Variants in RGPD3 observed in about 807,000 individuals in gnomAD.
RGPD3 encodes ranBP2-like and GRIP domain-containing protein 3.
In RGPD3, 62 loss-of-function variants were observed where a neutral mutation model predicts 154.5. That is an observed-to-expected ratio of 0.40 (90% CI 0.33 to 0.50). RGPD3 has a LOEUF of 0.50. Among genes scored for constraint, RGPD3 ranks in the 20% least tolerant of loss-of-function variants. RGPD3 has a pLI of 0.59. For synonymous variants in RGPD3, 308 were observed against 607.0 expected, an observed-to-expected ratio of 0.51 and a Z score of 7.24; for missense variants, 919 against 1,716.8, an observed-to-expected ratio of 0.54 and a Z score of 8.21.
In RGPD3 at chr2:106,468,230, G is replaced by C. The variant is rs376587636; in HGVS notation, c.59C>G (p.Pro20Arg). Residue 20 changes from proline to arginine, a missense_variant, in exon 1 of 23, where the codon CCG becomes CGG. Coordinates refer to ENST00000409886, the MANE Select transcript of RGPD3 (RefSeq NM_001144013.2). ...RYVASVQGSAPSPRKKSTRGF... is the reference protein window; with the variant it reads ...RYVASVQGSARSPRKKSTRGF... ...AGACCCACTCACCTTTCGAGGCGACGGGGCGGAGCCCTGCACCGAGGCGAC... is the reference window on the plus strand; with the variant it reads ...AGACCCACTCACCTTTCGAGGCGACCGGGCGGAGCCCTGCACCGAGGCGAC... The C allele has an allele frequency of 1.9e-6, 3 of 1,606,436 alleles. No homozygotes were observed. Among genetic ancestry groups the C allele is most frequent in the East Asian group, 2.2e-5 (1 of 44,556 alleles).
At chr2:106,414,978 A>T (rs1342164344) in intron 21 of RGPD3, among the ~76,000 whole-genome samples, 1 of 152,154 alleles carries the variant, frequency 6.6e-6, no homozygotes, top group Non-Finnish European at 1.5e-5. Context: ...GAGATTAAAT[A>T]ATATACGTAG....
chr2:106,415,558 T>C (rs1215659978), intron 21 of RGPD3, among the ~76,000 whole-genome samples: 3 of 148,570 alleles, frequency 2.0e-5, no homozygotes, highest in East Asian at 2.0e-4. Flanking sequence ...GCACCTGTAG[T>C]CCCAGCTACT....
At chr2:106,410,702 G>A (rs1340930542) in intron 22 of RGPD3, among the ~76,000 whole-genome samples, 1 of 151,838 alleles carries the variant, frequency 6.6e-6, no homozygotes, top group Non-Finnish European at 1.5e-5. Flanking sequence ...TTTTATAGGG[G>A]CAGTTTTACT....
At chr2:106,450,164 G>A (rs1428203399) in intron 6 of RGPD3, among the ~76,000 whole-genome samples, 2 of 135,210 alleles carry the variant, frequency 1.5e-5, no homozygotes, top group Admixed American at 1.5e-4. Flanking sequence ...CAGATCACGA[G>A]GTCAGGAGAT....
Position 106,460,576 on chromosome 2 carries a change from G to A in RGPD3, c.73-1244C>T, listed in dbSNP as rs1395276406. 5.2e-4 allele frequency among the ~76,000 whole-genome samples: 41 copies of A among 78,564 alleles called. No homozygotes were observed. In the South Asian group the frequency reaches 8.5e-3, roughly 16 times the overall value. The allele number at this position is 78,564 out of a possible 152,430, so 51.5% of individuals were successfully genotyped here. ...TGCTGATGCACACCAGGCTGGGTGCGGTGGCTCACACCTGTAATCCCAGCA... is the reference window on the plus strand; with the variant it reads ...TGCTGATGCACACCAGGCTGGGTGCAGTGGCTCACACCTGTAATCCCAGCA... On this transcript the variant is annotated intron_variant, in intron 1 of 22. Coordinates refer to ENST00000409886, the MANE Select transcript of RGPD3 (RefSeq NM_001144013.2).
At position 106,405,293 on chromosome 2, in the gene RGPD3, A is replaced by G. The variant is rs565972098; in HGVS notation, c.5267-64T>C. 182 of 1,487,856 alleles carry G rather than the reference A, an allele frequency of 1.2e-4. No individual in the cohort carries two copies. In the South Asian group the frequency reaches 2.0e-3, roughly 16 times the overall value. 92.2% of individuals were successfully genotyped at this position (1,487,856 alleles called of 1,614,324 possible). ...ATTAAAATTTCTCAATGTAAAATCTATATTTTAGAACCACTCTACAATATA... is the reference window on the plus strand; with the variant it reads ...ATTAAAATTTCTCAATGTAAAATCTGTATTTTAGAACCACTCTACAATATA... On this transcript the variant is annotated intron_variant, in intron 22 of 22. Coordinates refer to ENST00000409886, the MANE Select transcript of RGPD3 (RefSeq NM_001144013.2).
chr2:106,420,444 G>C (rs1247543895), intron 20 of RGPD3, among the ~76,000 whole-genome samples: 1 of 151,916 alleles, frequency 6.6e-6, no homozygotes, highest in Non-Finnish European at 1.5e-5. Context: ...CAGTCATGAA[G>C]CATGCCATGT....
rs569487594 is a variant in RGPD3, at chr2:106,449,874, G to A, written c.783-2261C>T. 4.6e-5 allele frequency among the ~76,000 whole-genome samples: 7 copies of A among 151,762 alleles called. No homozygotes were observed. In the South Asian group the frequency reaches 1.5e-3, roughly 32 times the overall value. ...CTACTAAAAATACAAAAAATTAGCTGGGTGTGGTGGCAGGCACCTGTAGGC... is the reference window on the plus strand; with the variant it reads ...CTACTAAAAATACAAAAAATTAGCTAGGTGTGGTGGCAGGCACCTGTAGGC... On this transcript the variant is annotated intron_variant, in intron 6 of 22. Transcript: ENST00000409886.
rs771465459 is a variant in RGPD3, at chr2:106,423,825, T to A, written c.4142A>T (p.Asp1381Val). The part of the protein sequence containing the change: ...VGQWKERGIG[D>V]IKILQNYDNK... ...ATCATAATTCTGTAAAATCTTTATA[T>A]CACCAATGCCCCTTTCTTTCCATTG... The change falls in exon 20 of 23, where the codon GAT (aspartate) becomes GTT (valine). Residue 1381 changes from aspartate to valine, a missense_variant. Asp to Val is a radical substitution (Grantham distance 152). Transcript: ENST00000409886. 7 of 1,611,900 alleles carry A rather than the reference T, an allele frequency of 4.3e-6. No homozygotes were observed. In the South Asian group the frequency reaches 7.7e-5, roughly 18 times the overall value.
intron 7 of RGPD3, among the ~76,000 whole-genome samples, chr2:106,442,273 G>A (rs1677771909): frequency 9.8e-6 from 1 of 102,486 alleles, no homozygotes; most frequent in Non-Finnish European, 1.9e-5. Flanking sequence ...TCAGAGAAAT[G>A]GAAAATTTAA....
intron 7 of RGPD3, among the ~76,000 whole-genome samples, chr2:106,445,308 A>C (rs1677880040): frequency 6.6e-6 from 1 of 151,784 alleles, no homozygotes; most frequent in South Asian, 2.1e-4. Flanking sequence ...AAATAAAATA[A>C]ATAAAAATAA....
intron 21 of RGPD3, among the ~76,000 whole-genome samples, chr2:106,414,334 T>C (rs574187627): frequency 1.3e-5 from 2 of 152,258 alleles, no homozygotes; most frequent in East Asian, 1.9e-4. Flanking sequence ...TATGAAAATA[T>C]AACATTTGGC....
chr2:106,467,968 G>T (rs1402026602), intron 1 of RGPD3, among the ~76,000 whole-genome samples: 3 of 140,336 alleles, frequency 2.1e-5, no homozygotes, highest in Non-Finnish European at 4.6e-5. Flanking sequence ...CATCGAGGCC[G>T]CCGCAGGGCC....
intron 1 of RGPD3, among the ~76,000 whole-genome samples, chr2:106,465,601 C>T (rs972962993): frequency 2.5e-4 from 38 of 149,210 alleles, no homozygotes; most frequent in African/African-American, 9.1e-4. Flanking sequence ...AAAAATCAGG[C>T]TGAGCAGAGT....
intron 17 of RGPD3, among the ~76,000 whole-genome samples, chr2:106,430,421 C>A (rs1677336201): frequency 8.6e-6 from 1 of 116,652 alleles, no homozygotes; most frequent in Non-Finnish European, 1.8e-5. Context: ...CAATTCCCTG[C>A]TCAAAAAAAC....
chr2:106,458,937 T>G (rs1317173370), intron 2 of RGPD3, among the ~76,000 whole-genome samples: 38 of 134,150 alleles, frequency 2.8e-4, no homozygotes, highest in African/African-American at 8.7e-4. Flanking sequence ...TCCATCTGAT[T>G]AAGGTATCAG....
chr2:106,451,128 G>T (rs1386518204), intron 6 of RGPD3, among the ~76,000 whole-genome samples: 1 of 148,646 alleles, frequency 6.7e-6, no homozygotes, highest in African/African-American at 2.5e-5. Flanking sequence ...AAGAAAGAAA[G>T]AAAGGAACCC....
chr2:106,468,378 ACT>A lies in RGPD3; in HGVS notation c.-92_-91del. ...TCCAAGAGGAAAGCGCCTGAAAGCC[ACT>A]GAGGCAGCGGCGTAGCCGGCGGAGG... is the stretch of plus-strand genomic sequence containing the variant. On this transcript the variant is annotated 5_prime_UTR_variant, in exon 1 of 23. Coordinates refer to ENST00000409886, the MANE Select transcript of RGPD3 (RefSeq NM_001144013.2). 6.5e-7 allele frequency: 1 copy of A among 1,544,504 alleles called. No homozygotes were observed. The highest frequency in any genetic ancestry group is 8.7e-7 in the Non-Finnish European group (1 of 1,143,762).
Position 106,468,314 on chromosome 2 carries a change from T to G in RGPD3, c.-26A>C, listed in dbSNP as rs9750757. On this transcript the variant is annotated 5_prime_UTR_variant, in exon 1 of 23. Coordinates refer to ENST00000409886, the MANE Select transcript of RGPD3 (RefSeq NM_001144013.2). ...CGCGCCACCAACCTGGCTCCCGAGA[T>G]GCGTGAGACCAGCGCTCAGCCCCGC... The G allele has an allele frequency of 6.3e-7, 1 of 1,584,296 alleles. No homozygotes were observed. Among genetic ancestry groups the G allele is most frequent in the African/African-American group, 1.3e-5 (1 of 74,348 alleles).
Sources: allele counts gnomAD v4.1 joint callset (sites outside exome capture counted in the v4.1 genomes callset), GRCh38; gene constraint gnomAD v4.1.1; transcripts MANE v1.5; gene names NCBI Gene and HGNC (gene_info 2026-07-23, HGNC 2026-07-21).